The following COMMD10 variants were observed in gnomAD, a reference collection of about 807,000 sequenced individuals.
COMMD10 encodes COMM domain-containing protein 10.
A neutral mutation model predicts 28.9 loss-of-function variants in COMMD10; 33 were observed. The ratio of observed to expected loss-of-function variants is 1.14; its 90% CI spans 0.87 to 1.53. The LOEUF is 1.53. COMMD10 is among the 40% of genes most tolerant of loss of function. COMMD10 has a pLI of 0.00. For missense variants in COMMD10, 310 were observed against 233.4 expected, an observed-to-expected ratio of 1.33 and a Z score of -2.14; for synonymous variants, 110 against 81.7, an observed-to-expected ratio of 1.35 and a Z score of -1.87.
intron 5 of COMMD10, among the ~76,000 whole-genome samples, chr5:116,214,772 A>G (rs1322502152): frequency 6.6e-6 from 1 of 152,130 alleles, no homozygotes; most frequent in Non-Finnish European, 1.5e-5. Context: ...AAATATACCC[A>G]TTTAAATGTC....
At chr5:116,290,215 T>C (rs576962100) in intron 5 of COMMD10, among the ~76,000 whole-genome samples, 9 of 151,996 alleles carry the variant, frequency 5.9e-5, no homozygotes, top group African/African-American at 2.2e-4. Context: ...GGAGGGCATA[T>C]ACTATGTATA....
chr5:116,123,336 T>C (rs2112755059), intron 4 of COMMD10, among the ~76,000 whole-genome samples: 1 of 152,246 alleles, frequency 6.6e-6, no homozygotes, highest in Non-Finnish European at 1.5e-5. Context: ...TCATGTGGTT[T>C]TTGTTGTTGT....
At chr5:116,178,941 T>C (rs1192837910) in intron 5 of COMMD10, among the ~76,000 whole-genome samples, 1 of 152,122 alleles carries the variant, frequency 6.6e-6, no homozygotes, top group Non-Finnish European at 1.5e-5. Flanking sequence ...TTTAATAATA[T>C]ACCTGAACCA....
At chr5:116,265,856 C>T (rs1289752086) in intron 5 of COMMD10, among the ~76,000 whole-genome samples, 1 of 151,758 alleles carries the variant, frequency 6.6e-6, no homozygotes, top group Non-Finnish European at 1.5e-5. Flanking sequence ...ACACTCTTAA[C>T]CACTGTGCTA....
chr5:116,226,849 G>A (rs1366906887), intron 5 of COMMD10, among the ~76,000 whole-genome samples: 1 of 152,018 alleles, frequency 6.6e-6, no homozygotes, highest in Non-Finnish European at 1.5e-5. Flanking sequence ...TGTTAAAGTT[G>A]CAGGAAGTAT....
intron 5 of COMMD10, among the ~76,000 whole-genome samples, chr5:116,151,444 C>G (rs1752524394): frequency 6.6e-6 from 1 of 152,070 alleles, no homozygotes; most frequent in African/African-American, 2.4e-5. Flanking sequence ...GTACCAGTTC[C>G]TCCTCGTACC....
intron 2 of COMMD10, 42 bp downstream of exon 2, chr5:116,087,629 GATTTA>G: frequency 7.6e-7 from 1 of 1,319,282 alleles, no homozygotes; most frequent in South Asian, 1.2e-5. Context: ...TCTTCCTTCT[GATTTA>G]ATTGAAAGTC....
chr5:116,261,342 C>G (rs1477459484), intron 5 of COMMD10, among the ~76,000 whole-genome samples: 2 of 151,632 alleles, frequency 1.3e-5, no homozygotes, highest in Non-Finnish European at 2.9e-5. Context: ...TTAAGGTTTC[C>G]TAATCTTGCC....
chr5:116,224,887 T>G (rs76704427), intron 5 of COMMD10, among the ~76,000 whole-genome samples: 3,273 of 152,322 alleles, frequency 0.021, 126 homozygotes, highest in African/African-American at 0.073. Context: ...GTGATAACAT[T>G]TAGGCTTGTA....
At chr5:116,126,839 C>T (rs188949907) in intron 4 of COMMD10, among the ~76,000 whole-genome samples, 62 of 152,288 alleles carry the variant, frequency 4.1e-4, no homozygotes, top group African/African-American at 1.5e-3. Context: ...GAAACCTAGG[C>T]AATACCATTC....
chr5:116,118,280 T>C (rs1751308375), intron 4 of COMMD10, among the ~76,000 whole-genome samples: 1 of 152,214 alleles, frequency 6.6e-6, no homozygotes. Context: ...TGGCCCACTA[T>C]ATATTTTACT....
chr5:116,156,958 G>A (rs945727396), intron 5 of COMMD10, among the ~76,000 whole-genome samples: 6 of 152,078 alleles, frequency 3.9e-5, no homozygotes, highest in African/African-American at 1.2e-4. Flanking sequence ...GCCTTATGGT[G>A]TACAGTTAGG....
At chr5:116,268,864 G>A (rs988718811) in intron 5 of COMMD10, among the ~76,000 whole-genome samples, 4 of 151,146 alleles carry the variant, frequency 2.6e-5, no homozygotes, top group South Asian at 2.1e-4. Flanking sequence ...ACCAAACACC[G>A]CATATTCTCA....
At chr5:116,085,373 C>T in intron 1 of COMMD10, 2 of 431,112 alleles carry the variant, frequency 4.6e-6, no homozygotes, top group Non-Finnish European at 4.1e-6. Flanking sequence ...GGGTCTGCGT[C>T]ACTGTTCGCG....
chr5:116,171,115 A>C (rs1753314676), intron 5 of COMMD10, among the ~76,000 whole-genome samples: 1 of 148,046 alleles, frequency 6.8e-6, no homozygotes, highest in Admixed American at 6.7e-5. Flanking sequence ...CAGAATCTAC[A>C]AATAACTTAA....
At chr5:116,195,584 C>T (rs1471560793) in intron 5 of COMMD10, among the ~76,000 whole-genome samples, 1 of 151,896 alleles carries the variant, frequency 6.6e-6, no homozygotes, top group Admixed American at 6.6e-5. Flanking sequence ...AAGTAAGATA[C>T]GTAGGAATAT....
At chr5:116,212,676 A>G (rs1316521545) in intron 5 of COMMD10, among the ~76,000 whole-genome samples, 1 of 152,140 alleles carries the variant, frequency 6.6e-6, no homozygotes, top group African/African-American at 2.4e-5. Flanking sequence ...AAATTAAATA[A>G]TGAATTCATC....
chr5:116,216,590 G>A (rs2112639237), intron 5 of COMMD10, among the ~76,000 whole-genome samples: 1 of 152,294 alleles, frequency 6.6e-6, no homozygotes, highest in East Asian at 1.9e-4. Flanking sequence ...GGAGTTCAGT[G>A]GCGCGATCTC....
intron 5 of COMMD10, among the ~76,000 whole-genome samples, chr5:116,146,270 G>C (rs984442203): frequency 4.0e-5 from 6 of 151,890 alleles, no homozygotes; most frequent in Admixed American, 3.9e-4. Context: ...TTGATCTCTT[G>C]CTTCCTTGGT....
Sources: allele counts gnomAD v4.1 joint callset (sites outside exome capture counted in the v4.1 genomes callset), GRCh38; gene constraint gnomAD v4.1.1; transcripts MANE v1.5; gene names NCBI Gene and HGNC (gene_info 2026-07-23, HGNC 2026-07-21).